RPS6KA6: variants seen among roughly 807,000 people sequenced by gnomAD.
RPS6KA6 encodes the protein ribosomal protein S6 kinase A6.
A neutral mutation model predicts 65.4 loss-of-function variants in RPS6KA6; 27 were observed. The ratio of observed to expected loss-of-function variants is 0.41; its 90% CI spans 0.30 to 0.57. The LOEUF is 0.57. Ranked by LOEUF, RPS6KA6 falls within the 20% of genes least tolerant of loss-of-function variation. RPS6KA6 has a pLI of 0.24. For synonymous variants in RPS6KA6, 190 were observed against 184.2 expected (o/e 1.03, Z -0.26); for missense variants, 486 against 555.6 (o/e 0.87, Z 1.26).
intron 20 of RPS6KA6, among the ~76,000 whole-genome samples, chrX:84,084,197 A>C (rs754118639): frequency 3.6e-5 from 4 of 112,346 alleles, no homozygotes; most frequent in Non-Finnish European, 5.6e-5. Context: ...TGCTGTGAAG[A>C]AGCTCTTTAG....
chrX:84,148,494 T>C (rs568292001), intron 3 of RPS6KA6, among the ~76,000 whole-genome samples: 2 of 111,622 alleles, frequency 1.8e-5, no homozygotes, highest in South Asian at 7.5e-4. Flanking sequence ...AAAACTGTTA[T>C]GATTTAATAA....
chrX:84,106,837 G>T (rs907502299), intron 14 of RPS6KA6, 73 bp downstream of exon 14: 22 of 850,688 alleles, frequency 2.6e-5, no homozygotes, highest in Non-Finnish European at 2.7e-5. Context: ...TAAAAAAAAC[G>T]ATTAAAAATA....
chrX:84,183,260 T>C (rs1200051068), intron 1 of RPS6KA6, among the ~76,000 whole-genome samples: 2 of 111,703 alleles, frequency 1.8e-5, no homozygotes, highest in Non-Finnish European at 3.8e-5. Context: ...TATTTCTTTT[T>C]ACTCTCCAAC....
At chrX:84,064,871 A>G in intron 21 of RPS6KA6, 100 bp downstream of exon 21, 1 of 603,547 alleles carries the variant, frequency 1.7e-6, no homozygotes, top group South Asian at 4.7e-5. Context: ...AAAAATAAAG[A>G]TATTTTAAGG....
intron 5 of RPS6KA6, 33 bp from the exon 6 acceptor site, chrX:84,145,590 A>T: frequency 1.2e-6 from 1 of 829,986 alleles, no homozygotes; most frequent in South Asian, 2.6e-5. Context: ...TAACAGGATA[A>T]TCTCAAAGGC....
chrX:84,082,882 C>G (rs1171043675), intron 20 of RPS6KA6, among the ~76,000 whole-genome samples: 1 of 112,073 alleles, frequency 8.9e-6, no homozygotes, highest in African/African-American at 3.2e-5. Flanking sequence ...ATTAAAAAAT[C>G]TGGCTAGCCA....
chrX:84,125,729 C>T, intron 8 of RPS6KA6, among the ~76,000 whole-genome samples: 1 of 110,652 alleles, frequency 9.0e-6, no homozygotes, highest in East Asian at 2.8e-4. Flanking sequence ...TGGCAGGTGC[C>T]TGTAGTCCCA....
At chrX:84,151,157 AG>A (rs1421501081) in intron 3 of RPS6KA6, among the ~76,000 whole-genome samples, 22 of 99,680 alleles carry the variant, frequency 2.2e-4, no homozygotes, top group African/African-American at 8.0e-4. Context: ...AGATATATAT[AG>A]GATATATAGA....
chrX:84,128,330 C>T lies in RPS6KA6; in HGVS notation c.646+6452G>A, dbSNP rs188862064. 1.3e-4 allele frequency among the ~76,000 whole-genome samples: 14 copies of T among 110,998 alleles called. No homozygotes were observed. The East Asian group carries it at 3.7e-3, about 29-fold the overall frequency. ...TTAAAGACATGTAAAAAGGAATGTA[C>T]TAAAATGAGGCAAGAAATTGAGAAA... On this transcript the variant is annotated intron_variant, in intron 8 of 21. Transcript: ENST00000262752.
At chrX:84,172,132 C>T (rs2035693713) in intron 1 of RPS6KA6, among the ~76,000 whole-genome samples, 1 of 111,772 alleles carries the variant, frequency 8.9e-6, no homozygotes, top group South Asian at 3.7e-4. Flanking sequence ...AATAGTAGTG[C>T]AATAAACATG....
At chrX:84,161,561 GA>G (rs911769342) in intron 2 of RPS6KA6, among the ~76,000 whole-genome samples, 2 of 109,467 alleles carry the variant, frequency 1.8e-5, no homozygotes, top group African/African-American at 3.3e-5. Flanking sequence ...ACAAATAGAG[GA>G]AAAAAAAATC....
chrX:84,153,468 T>C (rs944764056), intron 3 of RPS6KA6, among the ~76,000 whole-genome samples: 3 of 111,626 alleles, frequency 2.7e-5, no homozygotes, highest in African/African-American at 9.7e-5. Flanking sequence ...TAGGACAGAA[T>C]TGTATATGCA....
chrX:84,094,673 A>C (rs1259674444), intron 20 of RPS6KA6, among the ~76,000 whole-genome samples: 1 of 109,901 alleles, frequency 9.1e-6, no homozygotes, highest in Non-Finnish European at 1.9e-5. Context: ...TAAATAAATA[A>C]ATACATAAAT....
intron 1 of RPS6KA6, among the ~76,000 whole-genome samples, chrX:84,166,593 T>A (rs777983044): frequency 8.1e-5 from 9 of 111,158 alleles, no homozygotes; most frequent in Middle Eastern, 9.3e-3. Flanking sequence ...CAGAGACATA[T>A]GAAACACTAT....
At chrX:84,161,950 C>A (rs1169199068) in intron 2 of RPS6KA6, among the ~76,000 whole-genome samples, 1 of 111,193 alleles carries the variant, frequency 9.0e-6, no homozygotes, top group Non-Finnish European at 1.9e-5. Flanking sequence ...TCAGAAAAAA[C>A]AGATACTGGG....
At chrX:84,182,975 G>A (rs2035879517) in intron 1 of RPS6KA6, among the ~76,000 whole-genome samples, 1 of 112,275 alleles carries the variant, frequency 8.9e-6, no homozygotes, top group Admixed American at 9.4e-5. Flanking sequence ...AATTAAAAAT[G>A]TTTTAGCTAG....
In RPS6KA6 at chrX:84,062,952, T is replaced by G. The variant is rs6622901; in HGVS notation, c.*1325A>C. Reference sequence around the variant, plus strand: ...GTAGTAGTAGTAGTAGTAGTAGTAGTAGCAGTAGTAGCTGCTGCTGTTGTT... The same window carrying G: ...GTAGTAGTAGTAGTAGTAGTAGTAGGAGCAGTAGTAGCTGCTGCTGTTGTT... On this transcript the variant is annotated 3_prime_UTR_variant, in exon 22 of 22. Transcript: ENST00000262752. 1 of 110,207 alleles carries G rather than the reference T, an allele frequency of 9.1e-6. No individual in the cohort carries two copies. Among genetic ancestry groups the G allele is most frequent in the Non-Finnish European group, 1.9e-5 (1 of 52,673 alleles). The allele number at this position is 110,207 out of a possible 1,213,427, so 9.1% of individuals were successfully genotyped here.
At chrX:84,162,227 A>G (rs1209344372) in intron 2 of RPS6KA6, among the ~76,000 whole-genome samples, 1 of 110,352 alleles carries the variant, frequency 9.1e-6, no homozygotes, top group Admixed American at 9.6e-5. Context: ...ATTTTAAAAC[A>G]GTAAAAAAAA....
At chrX:84,159,349 A>G (rs2035473785) in intron 2 of RPS6KA6, among the ~76,000 whole-genome samples, 1 of 110,827 alleles carries the variant, frequency 9.0e-6, no homozygotes, top group Admixed American at 9.6e-5. Context: ...CAGGTTCTGC[A>G]CCATTTCAAA....
Sources: gnomAD v4.1 joint callset for allele counts (sites outside exome capture counted in the v4.1 genomes callset) on GRCh38, gnomAD v4.1.1 for gene constraint, MANE v1.5 for transcripts, NCBI Gene and HGNC (gene_info 2026-07-23, HGNC 2026-07-21) for gene names.